Variants in ADAM11 observed in about 807,000 individuals in gnomAD.
The protein encoded by ADAM11 is ADAM metallopeptidase domain 11.
ADAM11 carries 49 observed loss-of-function variants against 119.1 expected under a neutral mutation model. That is an observed-to-expected ratio of 0.41 (90% CI 0.33 to 0.52). ADAM11 has a LOEUF of 0.52. ADAM11 is among the 20% of genes least tolerant of loss of function. ADAM11 has a pLI of 0.20. For synonymous variants in ADAM11, 364 were observed against 408.0 expected (o/e 0.89, Z 1.30); for missense variants, 777 against 1,047.5 (o/e 0.74, Z 3.56).
rs2049537049 is a variant in ADAM11 at position 44,772,400 on chromosome 17, C to T, written c.612C>T (p.Gly204=). The T allele has an allele frequency of 6.3e-7, 1 of 1,579,728 alleles. No individual in the cohort carries two copies. Among genetic ancestry groups the T allele is most frequent in the Middle Eastern group, 1.7e-4 (1 of 5,920 alleles). ...CCCCTCACCTGCCCCTCCCCACAGGCTGCCTGTTTGCTGTGCCTGCCCAGT... is the reference window on the plus strand; with the variant it reads ...CCCCTCACCTGCCCCTCCCCACAGGTTGCCTGTTTGCTGTGCCTGCCCAGT... The part of the protein sequence containing the change: ...LPDPLGCREP[G]CLFAVPAQSA... Residue 204 remains glycine (G), a splice_region_variant and synonymous_variant, in exon 8 of 27, where the codon GGC becomes GGT. Transcript: ENST00000200557. The surrounding 1 kb of genome is among the most constrained non-coding windows in gnomAD (Gnocchi z 4.5).
chr17:44,764,549 G>A (rs561702228), intron 2 of ADAM11, among the ~76,000 whole-genome samples: 28 of 152,290 alleles, frequency 1.8e-4, no homozygotes, highest in African/African-American at 5.3e-4. Flanking sequence ...CAGGGGTGAG[G>A]TGGGGGCATG....
At position 44,779,981 on chromosome 17, in the gene ADAM11, C is replaced by T. The variant is rs2049669924; in HGVS notation, c.*227C>T. 3 of 719,202 alleles carry T rather than the reference C, an allele frequency of 4.2e-6. No individual in the cohort carries two copies. Among genetic ancestry groups the T allele is most frequent in the South Asian group, 3.0e-5 (2 of 67,180 alleles). The allele number at this position is 719,202 out of a possible 1,614,324, so 44.6% of individuals were successfully genotyped here. ...TCCTCCACAGTCCCCCACCCACCTC[C>T]TGCGGCTCAGCCTTGCACACCCACT... On this transcript the variant is annotated 3_prime_UTR_variant, in exon 27 of 27. Transcript: ENST00000200557.
At chr17:44,759,555 C>T (rs1000341692) in intron 1 of ADAM11, 167 bp from the exon 2 acceptor site, 2 of 1,263,040 alleles carry the variant, frequency 1.6e-6, no homozygotes, top group Admixed American at 3.8e-5. Context: ...CTCCTGGCCC[C>T]CTCCCCGCGG....
chr17:44,779,060 C>G (rs1436486852), intron 25 of ADAM11, among the ~76,000 whole-genome samples, 162 bp from the exon 26 acceptor site: 2 of 152,204 alleles, frequency 1.3e-5, no homozygotes, highest in Admixed American at 1.3e-4. Context: ...TGTGGGTGCC[C>G]TGGGTAATTC....
Position 44,777,451 on chromosome 17 carries a change from T to C in ADAM11, c.1782-31T>C, listed in dbSNP as rs755057773. 6.2e-7 allele frequency: 1 copy of C among 1,610,226 alleles called. No individual in the cohort carries two copies. Among genetic ancestry groups the C allele is most frequent in the Non-Finnish European group, 8.5e-7 (1 of 1,176,700 alleles). On this transcript the variant is annotated intron_variant, in intron 21 of 26. Transcript: ENST00000200557. The surrounding 1 kb of genome is among the most constrained non-coding windows in gnomAD (Gnocchi z 5.1). ...CAGTAGTTGAGTCTGAGGTCAAACT[T>C]GGGGCTCACTGTCTCTATATGCCCC...
intron 2 of ADAM11, among the ~76,000 whole-genome samples, chr17:44,762,032 C>T (rs2049395429): frequency 6.6e-6 from 1 of 152,146 alleles, no homozygotes; most frequent in Admixed American, 6.6e-5. Context: ...CCATGTTGCT[C>T]AGGCTGGTCT....
At position 44,776,231 on chromosome 17, in the gene ADAM11, T is replaced by C; in HGVS notation, c.1566+24T>C. 6.2e-7 allele frequency: 1 copy of C among 1,612,258 alleles called. No individual in the cohort carries two copies. The highest frequency in any genetic ancestry group is 8.5e-7 in the Non-Finnish European group (1 of 1,179,458). Reference sequence around the variant, plus strand: ...AGGTCCGCCCGGCCCCGCCGTCTTGTGGAGCCCTGGGCGAGGCAACCCCTA... The same window carrying C: ...AGGTCCGCCCGGCCCCGCCGTCTTGCGGAGCCCTGGGCGAGGCAACCCCTA... On this transcript the variant is annotated intron_variant, in intron 18 of 26. Coordinates refer to ENST00000200557, the MANE Select transcript of ADAM11 (RefSeq NM_002390.6). The surrounding 1 kb of genome is among the most constrained non-coding windows in gnomAD (Gnocchi z 5.2).
intron 4 of ADAM11, 31 bp downstream of exon 4, chr17:44,770,079 G>A (rs1226336419): frequency 6.2e-7 from 1 of 1,611,098 alleles, no homozygotes; most frequent in Non-Finnish European, 8.5e-7. Flanking sequence ...CCGGGGCCGG[G>A]GATGGAAGGG....
Position 44,773,785 on chromosome 17 carries a change from T to C in ADAM11, c.992+358T>C, listed in dbSNP as rs192297871. ...GATGGTCTACTGGGAGCCTCTCCTTTGCCTTATGGGCAAAAGAACCCAAGG... is the reference window on the plus strand; with the variant it reads ...GATGGTCTACTGGGAGCCTCTCCTTCGCCTTATGGGCAAAAGAACCCAAGG... On this transcript the variant is annotated intron_variant, in intron 11 of 26. Coordinates refer to ENST00000200557, the MANE Select transcript of ADAM11 (RefSeq NM_002390.6). This position sits in a 1 kb window ranked among gnomAD's most constrained non-coding sequence, Gnocchi z 4.6. Among the ~76,000 whole-genome samples the C allele has an allele frequency of 5.3e-5, 8 of 152,316 alleles. No individual in the cohort carries two copies. The East Asian group carries it at 1.3e-3, about 26-fold the overall frequency.
intron 11 of ADAM11, among the ~76,000 whole-genome samples, 173 bp from the exon 12 acceptor site, chr17:44,774,122 G>A (rs937307010): frequency 4.2e-5 from 6 of 144,000 alleles, no homozygotes; most frequent in African/African-American, 1.5e-4. Context: ...AGAAAAAAAA[G>A]AACCCAAGGA....
chr17:44,769,018 C>G (rs2145217691), intron 2 of ADAM11, among the ~76,000 whole-genome samples: 1 of 152,324 alleles, frequency 6.6e-6, no homozygotes, highest in Middle Eastern at 3.4e-3. Flanking sequence ...GCCTCCAGCC[C>G]CACTGCACTC....
chr17:44,763,005 G>T (rs996609186), intron 2 of ADAM11, among the ~76,000 whole-genome samples: 2 of 151,916 alleles, frequency 1.3e-5, no homozygotes, highest in African/African-American at 4.8e-5. Context: ...GCATGGTGCT[G>T]CGCACCTGTA....
At chr17:44,769,284 G>C (rs2049488365) in intron 2 of ADAM11, among the ~76,000 whole-genome samples, 1 of 152,138 alleles carries the variant, frequency 6.6e-6, no homozygotes. Flanking sequence ...AGGCAGCGAG[G>C]GTCCTGCCTC....
chr17:44,774,242 G>C, intron 11 of ADAM11, 53 bp from the exon 12 acceptor site: 4 of 1,253,316 alleles, frequency 3.2e-6, no homozygotes, highest in Non-Finnish European at 4.3e-6. Flanking sequence ...ACCACCACCC[G>C]GGGAGCCACA....
In ADAM11 at chr17:44,775,025, C is replaced by T. The variant is rs1360036454; in HGVS notation, c.1221-187C>T. 6.6e-6 allele frequency among the ~76,000 whole-genome samples: 1 copy of T among 152,246 alleles called. No homozygotes were observed. The highest frequency in any genetic ancestry group is 1.5e-5 in the Non-Finnish European group (1 of 68,052). On this transcript the variant is annotated intron_variant, in intron 14 of 26. Transcript: ENST00000200557. This position sits in a 1 kb window ranked among gnomAD's most constrained non-coding sequence, Gnocchi z 7.5. ...TTCCCTCCAGCGCGGCTGCGAGTCC[C>T]CAGGTTCAGCGGAGGGGATGGGAGC...
intron 2 of ADAM11, among the ~76,000 whole-genome samples, chr17:44,765,570 T>C (rs1049695655): frequency 1.3e-5 from 2 of 151,866 alleles, no homozygotes; most frequent in African/African-American, 4.8e-5. Context: ...AGGGCTTTTA[T>C]TTAATCCTCA....
rs781425935 is a variant in ADAM11, at chr17:44,779,204, A to C, written c.2277-18A>C. Reference sequence around the variant, plus strand: ...ATGTCTCCTTTTCCTCTCCCCTTCCACCATCCTCCCCCTGCAGAAACATTC... The same window carrying C: ...ATGTCTCCTTTTCCTCTCCCCTTCCCCCATCCTCCCCCTGCAGAAACATTC... On this transcript the variant is annotated intron_variant, in intron 25 of 26. Transcript: ENST00000200557. 1 of 1,588,178 alleles carries C rather than the reference A, an allele frequency of 6.3e-7. No individual in the cohort carries two copies. Among genetic ancestry groups the C allele is most frequent in the Non-Finnish European group, 8.5e-7 (1 of 1,170,058 alleles).
rs1224603820 is a variant in ADAM11 at position 44,776,150 on chromosome 17, C to A, written c.1509C>A (p.Cys503Ter). 2 of 1,613,662 alleles carry A rather than the reference C, an allele frequency of 1.2e-6. No individual in the cohort carries two copies. Among genetic ancestry groups the A allele is most frequent in the Admixed American group, 3.3e-5 (2 of 59,994 alleles). The change falls in exon 18 of 27, where the codon TGC (cysteine) becomes TGA (stop). Residue 503 changes from cysteine (C) to a stop codon, truncating the protein, a stop_gained. Transcript: ENST00000200557. LOFTEE classifies it high-confidence loss of function. This position sits in a 1 kb window ranked among gnomAD's most constrained non-coding sequence, Gnocchi z 5.2. ...AGTACGAACCACGGGGTGTGTCCTG[C>A]CGAGAGGCCGTGAACGAGTGCGACA... ...RCKYEPRGVS[C>*]REAVNECDIA...
In ADAM11 at chr17:44,759,037, G is replaced by C; in HGVS notation, c.-163G>C. 5.3e-6 allele frequency: 1 copy of C among 188,944 alleles called. No individual in the cohort carries two copies. Among genetic ancestry groups the C allele is most frequent in the Non-Finnish European group, 1.0e-5 (1 of 97,704 alleles). The allele number at this position is 188,944 out of a possible 1,614,324, so 11.7% of individuals were successfully genotyped here. ...GATGGCCGCGGCCGGAGCGCGCTGA[G>C]CCCCGGCGCCGTCCCTGCCGCCCCC... On this transcript the variant is annotated 5_prime_UTR_variant, in exon 1 of 27. Coordinates refer to ENST00000200557, the MANE Select transcript of ADAM11 (RefSeq NM_002390.6).
Sources: allele counts gnomAD v4.1 joint callset (sites outside exome capture counted in the v4.1 genomes callset), GRCh38; gene constraint gnomAD v4.1.1; non-coding constraint Gnocchi (gnomAD v3.1); transcripts MANE v1.5; gene names NCBI Gene and HGNC (gene_info 2026-07-23, HGNC 2026-07-21).